The following PEAR1 variants were observed in gnomAD, a reference collection of about 807,000 sequenced individuals.
PEAR1 encodes the protein platelet endothelial aggregation receptor 1, also known as multiple EGF-like domains protein 12.
PEAR1 carries 113 observed loss-of-function variants against 131.2 expected under a neutral mutation model. The ratio of observed to expected loss-of-function variants is 0.86; its 90% CI spans 0.74 to 1.01. The LOEUF (loss-of-function observed/expected upper bound fraction) is 1.01. PEAR1 is among the 50% of genes least tolerant of loss of function. The probability of loss-of-function intolerance (pLI) is 0.00; values close to 1 mark genes in which losing one functional copy is unlikely to be tolerated. For missense variants in PEAR1, 1,408 were observed against 1,391.1 expected (o/e 1.01, Z -0.19); for synonymous variants, 565 against 523.3 (o/e 1.08, Z -1.09).
In PEAR1 at chr1:156,912,242, C is replaced by G. The variant is rs201110939; in HGVS notation, c.1952-5C>G. 6.2e-7 allele frequency: 1 copy of G among 1,609,612 alleles called. No homozygotes were observed. Among genetic ancestry groups the G allele is most frequent in the African/African-American group, 1.3e-5 (1 of 74,760 alleles). ...CCCACCAGACAGGCCCCATGTCTCC[C>G]GTAGCATGCCCTCCAGGACACTGGG... On this transcript the variant is annotated splice_polypyrimidine_tract_variant and splice_region_variant and intron_variant, in intron 15 of 22. Coordinates refer to ENST00000292357, the MANE Select transcript of PEAR1 (RefSeq NM_001080471.3).
intron 22 of PEAR1, 29 bp downstream of exon 22, chr1:156,914,129 C>G (rs1228655494): frequency 6.5e-7 from 1 of 1,542,882 alleles, no homozygotes; most frequent in Admixed American, 2.0e-5. Context: ...CTGGCAGGAG[C>G]AGCAGAGAAC....
In PEAR1 at chr1:156,913,608, G is replaced by A. The variant is rs958655198; in HGVS notation, c.2645-84G>A. 2.8e-5 allele frequency: 45 copies of A among 1,597,884 alleles called. No homozygotes were observed. In the African/African-American group the frequency reaches 3.8e-4, roughly 13 times the overall value. ...GTCTGAGTGTGTGTGTCTGGAGACG[G>A]GGGCTCTGGGCCCCATTTCTAGAGG... On this transcript the variant is annotated intron_variant, in intron 20 of 22. Coordinates refer to ENST00000292357, the MANE Select transcript of PEAR1 (RefSeq NM_001080471.3).
intron 15 of PEAR1, among the ~76,000 whole-genome samples, chr1:156,911,085 C>CTT (rs71752469): frequency 8.3e-6 from 1 of 120,582 alleles, no homozygotes; most frequent in Non-Finnish European, 1.7e-5. Context: ...TTCTTTCTTT[C>CTT]TTTCTTTCCT....
In PEAR1 at chr1:156,913,382, C is replaced by G. The variant is rs1274122438; in HGVS notation, c.2512-9C>G. On this transcript the variant is annotated splice_polypyrimidine_tract_variant and intron_variant, in intron 19 of 22. Coordinates refer to ENST00000292357, the MANE Select transcript of PEAR1 (RefSeq NM_001080471.3). ...CTCTTGCTCTCCCTCCTGCACTGTC[C>G]CCTCTTAGGTTCCAGGCCCGCTCTT... is the stretch of plus-strand genomic sequence containing the variant. The G allele has an allele frequency of 2.5e-6, 4 of 1,613,086 alleles. No homozygotes were observed. The highest frequency in any genetic ancestry group is 3.4e-6 in the Non-Finnish European group (4 of 1,179,572).
chr1:156,899,468 C>A (rs1296589632), intron 1 of PEAR1, among the ~76,000 whole-genome samples: 1 of 152,088 alleles, frequency 6.6e-6, no homozygotes, highest in Non-Finnish European at 1.5e-5. Flanking sequence ...CCCCCTCCTG[C>A]CCCCACTTCC....
At chr1:156,907,031 G>A (rs371995525) in intron 6 of PEAR1, 151 bp downstream of exon 6, 9 of 1,206,226 alleles carry the variant, frequency 7.5e-6, no homozygotes, top group East Asian at 2.6e-5. Flanking sequence ...TATTCCTCAC[G>A]AGTGGAGTGA....
At chr1:156,901,756 A>G (rs1649704628) in intron 1 of PEAR1, among the ~76,000 whole-genome samples, 1 of 152,040 alleles carries the variant, frequency 6.6e-6, no homozygotes, top group East Asian at 1.9e-4. Flanking sequence ...CGGGGTCCTG[A>G]CCAGGGCCCT....
intron 3 of PEAR1, chr1:156,905,082 TGGG>T (rs78436112): frequency 1.1e-5 from 10 of 881,044 alleles, no homozygotes; most frequent in African/African-American, 3.4e-5. Context: ...CCTGTGGGGT[TGGG>T]GGGGGGGCAA....
intron 1 of PEAR1, among the ~76,000 whole-genome samples, chr1:156,901,336 C>G (rs1187997790): frequency 6.6e-6 from 1 of 152,218 alleles, no homozygotes; most frequent in Non-Finnish European, 1.5e-5. Flanking sequence ...CTCAAAGTCC[C>G]CCAGGTGAAC....
chr1:156,908,867 G>C lies in PEAR1; in HGVS notation c.1290+38G>C. On this transcript the variant is annotated intron_variant, in intron 10 of 22. Transcript: ENST00000292357. This position sits in a 1 kb window ranked among gnomAD's most constrained non-coding sequence, Gnocchi z 4.2. ...CGGCTGCAAGGAAGCGAGGCAGGTGGAGAGGCCAAGGAATGGGCCGCCCCT... is the reference window on the plus strand; with the variant it reads ...CGGCTGCAAGGAAGCGAGGCAGGTGCAGAGGCCAAGGAATGGGCCGCCCCT... 2 of 1,607,432 alleles carry C rather than the reference G, an allele frequency of 1.2e-6. No homozygotes were observed. Among genetic ancestry groups the C allele is most frequent in the Non-Finnish European group, 1.7e-6 (2 of 1,178,268 alleles).
Position 156,906,805 on chromosome 1 carries a change from G to C in PEAR1, c.569G>C (p.Arg190Pro). The change falls in exon 6 of 23, where the codon CGC (arginine) becomes CCC (proline). Residue 190 changes from arginine (R) to proline (P), a missense_variant. Coordinates refer to ENST00000292357, the MANE Select transcript of PEAR1 (RefSeq NM_001080471.3). ...TACTATGGCCCTGCCTGCCAGTTCC[G>C]CTGCCAGTGCCATGGGGCACCCTGC... ...PGYYGPACQF[R>P]CQCHGAPCDP... The C allele has an allele frequency of 6.2e-7, 1 of 1,614,204 alleles. No homozygotes were observed. The highest frequency in any genetic ancestry group is 8.5e-7 in the Non-Finnish European group (1 of 1,180,046).
rs201726836 is a variant in PEAR1 at position 156,912,960 on chromosome 1, C to T, written c.2400C>T (p.Asp800=). 93 of 1,614,004 alleles carry T rather than the reference C, an allele frequency of 5.8e-5. No individual in the cohort carries two copies. Among genetic ancestry groups the T allele is most frequent in the Non-Finnish European group, 6.7e-5 (79 of 1,180,046 alleles). The change falls in exon 18 of 23, where the codon GAC becomes GAT. Residue 800 remains aspartate (D), a synonymous_variant. Transcript: ENST00000292357. Reference sequence around the variant, plus strand: ...TGGCTTACAGCAGCGGGCGCCTGGACGGCTCCGAGTATGTCATGCCAGGTG... The same window carrying T: ...TGGCTTACAGCAGCGGGCGCCTGGATGGCTCCGAGTATGTCATGCCAGGTG... ...LAVAYSSGRL[D]GSEYVMPDVP... is the part of the protein sequence containing the mutation.
At position 156,908,992 on chromosome 1, in the gene PEAR1, C is replaced by T. The variant is rs866934697; in HGVS notation, c.1367C>T (p.Ala456Val). The stretch of plus-strand genomic sequence containing the variant: ...TCTGCACGCTGCTCATGTGAAAATG[C>T]CATCGCCTGCTCACCCATCGACGGC... Reference protein sequence around the residue: ...NCSARCSCENAIACSPIDGEC... With the variant: ...NCSARCSCENVIACSPIDGEC... Residue 456 changes from alanine (A) to valine (V), a missense_variant, in exon 11 of 23, where the codon GCC (alanine) becomes GTC (valine). Ala to Val is a moderately conservative substitution (Grantham distance 64). Coordinates refer to ENST00000292357, the MANE Select transcript of PEAR1 (RefSeq NM_001080471.3). The surrounding 1 kb of genome is among the most constrained non-coding windows in gnomAD (Gnocchi z 4.2). 12 of 1,614,088 alleles carry T rather than the reference C, an allele frequency of 7.4e-6. No homozygotes were observed. Among genetic ancestry groups the T allele is most frequent in the Non-Finnish European group, 1.0e-5 (12 of 1,180,032 alleles).
In PEAR1 at chr1:156,910,738, C is replaced by T. The variant is rs1315490606; in HGVS notation, c.1946C>T (p.Ser649Phe). The T allele has an allele frequency of 3.7e-6, 6 of 1,613,964 alleles. No individual in the cohort carries two copies. In the East Asian group the frequency reaches 1.1e-4, roughly 30 times the overall value. Residue 649 changes from serine (S) to phenylalanine (F), a missense_variant, in exon 15 of 23, where the codon TCC (serine) becomes TTC (phenylalanine). By Grantham distance (155) the Ser-to-Phe change is radical. Coordinates refer to ENST00000292357, the MANE Select transcript of PEAR1 (RefSeq NM_001080471.3). ...GCTGGCTGGACAGGCCCCGACTGCT[C>T]CCAGCGTATGTGGTAGCTTGTGTGT... is the stretch of plus-strand genomic sequence containing the variant. The part of the protein sequence containing the change: ...CLAGWTGPDC[S>F]QPCPPGHWGE...
intron 1 of PEAR1, among the ~76,000 whole-genome samples, chr1:156,899,260 G>A (rs1464907267): frequency 6.6e-6 from 1 of 152,172 alleles, no homozygotes; most frequent in African/African-American, 2.4e-5. Context: ...TCCAGGATAG[G>A]AAGTGATGAG....
chr1:156,908,345 G>A lies in PEAR1; in HGVS notation c.1115+5G>A. On this transcript the variant is annotated splice_donor_5th_base_variant and intron_variant, in intron 9 of 22. Transcript: ENST00000292357. This position sits in a 1 kb window ranked among gnomAD's most constrained non-coding sequence, Gnocchi z 4.2. ...CGACCGGGAGCACAGCCTCAGGTGG[G>A]CCGCGGGACATGTGGTCAAAGGATC... 1 of 1,507,344 alleles carries A rather than the reference G, an allele frequency of 6.6e-7. No individual in the cohort carries two copies. The highest frequency in any genetic ancestry group is 2.4e-5 in the East Asian group (1 of 41,414). The allele number at this position is 1,507,344 out of a possible 1,614,324, so 93.4% of individuals were successfully genotyped here.
In PEAR1 at chr1:156,910,027, T is replaced by C. The variant is rs761793155; in HGVS notation, c.1597T>C (p.Cys533Arg). 9 of 1,613,904 alleles carry C rather than the reference T, an allele frequency of 5.6e-6. No individual in the cohort carries two copies. Among genetic ancestry groups the C allele is most frequent in the Non-Finnish European group, 5.1e-6 (6 of 1,180,024 alleles). ...CAAGAAGGGGCAGTTTGGAGAAGGTTGTGCCAGTCGCTGTGACTGTGACCA... is the reference window on the plus strand; with the variant it reads ...CAAGAAGGGGCAGTTTGGAGAAGGTCGTGCCAGTCGCTGTGACTGTGACCA... ...PCPKGQFGEGCASRCDCDHSD... is the reference protein window; with the variant it reads ...PCPKGQFGEGRASRCDCDHSD... Residue 533 changes from cysteine (C) to arginine (R), a missense_variant, in exon 13 of 23, where the codon TGT becomes CGT. Transcript: ENST00000292357.
chr1:156,915,006 C>T lies in PEAR1; in HGVS notation c.*208C>T. The T allele has an allele frequency of 3.5e-6, 2 of 566,962 alleles. No homozygotes were observed. The highest frequency in any genetic ancestry group is 5.8e-5 in the South Asian group (2 of 34,280). The allele number at this position is 566,962 out of a possible 1,614,324, so 35.1% of individuals were successfully genotyped here. ...CAGCAGGATGCCTGGCTCCCTTTCC[C>T]AACCCACTGCTCCCAAGGCCTCCAG... is the stretch of plus-strand genomic sequence containing the variant. On this transcript the variant is annotated 3_prime_UTR_variant, in exon 23 of 23. Transcript: ENST00000292357.
chr1:156,908,342 TG>T lies in PEAR1; in HGVS notation c.1115+5del. The T allele has an allele frequency of 6.6e-7, 1 of 1,516,716 alleles. No homozygotes were observed. Among genetic ancestry groups the T allele is most frequent in the African/African-American group, 1.4e-5 (1 of 73,152 alleles). The allele number at this position is 1,516,716 out of a possible 1,614,324, so 94.0% of individuals were successfully genotyped here. On this transcript the variant is annotated splice_donor_region_variant and intron_variant, in intron 9 of 22. Transcript: ENST00000292357. The surrounding 1 kb of genome is among the most constrained non-coding windows in gnomAD (Gnocchi z 4.2). ...CTGCGACCGGGAGCACAGCCTCAGGTGGGCCGCGGGACATGTGGTCAAAGGA... is the reference window on the plus strand; with the variant it reads ...CTGCGACCGGGAGCACAGCCTCAGGTGGCCGCGGGACATGTGGTCAAAGGA...
Sources: gnomAD v4.1 joint callset for allele counts (sites outside exome capture counted in the v4.1 genomes callset) on GRCh38, gnomAD v4.1.1 for gene constraint, Gnocchi (gnomAD v3.1) non-coding constraint, MANE v1.5 for transcripts, NCBI Gene and HGNC (gene_info 2026-07-23, HGNC 2026-07-21) for gene names.